Variants in PCSK6 observed in about 807,000 individuals in gnomAD.
The protein encoded by PCSK6 is proprotein convertase subtilisin/kexin type 6, also known as paired basic amino acid cleaving enzyme 4.
Under a neutral mutation model 123.3 loss-of-function variants are expected in PCSK6, and 85 were observed. The observed-to-expected ratio is 0.69, with a 90% CI of 0.58 to 0.83. PCSK6 has a LOEUF of 0.83. Among genes scored for constraint, PCSK6 ranks in the 40% least tolerant of loss-of-function variants. PCSK6 has a pLI of 0.00. For missense variants in PCSK6, 1,191 were observed against 1,282.3 expected (o/e 0.93, Z 1.09); for synonymous variants, 508 against 516.0 (o/e 0.98, Z 0.21).
intron 8 of PCSK6, among the ~76,000 whole-genome samples, chr15:101,390,671 C>A (rs1469017810): frequency 6.6e-6 from 1 of 152,190 alleles, no homozygotes; most frequent in East Asian, 1.9e-4. Context: ...AGTCCCAGAA[C>A]CACAGGGACC....
At chr15:101,470,110 C>T (rs2057570017) in intron 1 of PCSK6, among the ~76,000 whole-genome samples, 1 of 152,110 alleles carries the variant, frequency 6.6e-6, no homozygotes, top group Admixed American at 6.5e-5. Flanking sequence ...ATCAAACGTC[C>T]CTTGTTTTGT....
chr15:101,471,452 C>G (rs1324759997), intron 1 of PCSK6, among the ~76,000 whole-genome samples: 5 of 152,188 alleles, frequency 3.3e-5, no homozygotes, highest in Non-Finnish European at 1.5e-5. Context: ...TACCTTGATT[C>G]TACCATTAAC....
chr15:101,432,739 G>A (rs2056487929), intron 2 of PCSK6, among the ~76,000 whole-genome samples: 1 of 152,172 alleles, frequency 6.6e-6, no homozygotes, highest in African/African-American at 2.4e-5. Context: ...AAATTATCTG[G>A]TGATCCTTGT....
At chr15:101,428,645 C>T (rs541907750) in intron 5 of PCSK6, among the ~76,000 whole-genome samples, 2 of 152,328 alleles carry the variant, frequency 1.3e-5, no homozygotes, top group African/African-American at 4.8e-5. Flanking sequence ...CGGGTCAGTT[C>T]CTCCAGCGGG....
chr15:101,430,041 ACGTCGTAGCTGG>A lies in PCSK6; in HGVS notation c.668_679del (p.Ala223_Asp226del), dbSNP rs1250896991. 6.2e-7 allele frequency: 1 copy of A among 1,613,960 alleles called. No individual in the cohort carries two copies. The highest frequency in any genetic ancestry group is 1.1e-5 in the South Asian group (1 of 91,080). The stretch of plus-strand genomic sequence containing the variant: ...AGATGGGTCATAATCATTGCCGTTC[ACGTCGTAGCTGG>A]CGTAGGAATCCTAAGAAATGGAATC... On this transcript the variant is annotated inframe_deletion, in exon 5 of 22. Transcript: ENST00000611716.
chr15:101,321,487 T>C (rs2040121113), intron 18 of PCSK6, among the ~76,000 whole-genome samples: 1 of 152,254 alleles, frequency 6.6e-6, no homozygotes, highest in Non-Finnish European at 1.5e-5. Context: ...GTAAGAATTA[T>C]GTCTACTTCA....
chr15:101,386,319 C>A (rs1232136572), intron 9 of PCSK6, among the ~76,000 whole-genome samples: 1 of 152,172 alleles, frequency 6.6e-6, no homozygotes, highest in Admixed American at 6.5e-5. Flanking sequence ...ATGTCACAGG[C>A]GTCTCTCCAG....
intron 6 of PCSK6, among the ~76,000 whole-genome samples, chr15:101,402,111 T>C (rs1353697724): frequency 4.0e-5 from 6 of 148,536 alleles, no homozygotes; most frequent in African/African-American, 1.0e-4. Flanking sequence ...TCAGAAATAA[T>C]GCCACATATC....
intron 13 of PCSK6, among the ~76,000 whole-genome samples, chr15:101,359,633 A>G (rs2041153157): frequency 6.6e-6 from 1 of 152,274 alleles, no homozygotes; most frequent in South Asian, 2.1e-4. Flanking sequence ...GCTGAGTGCC[A>G]TGCAGGCAGC....
chr15:101,384,448 A>G (rs781705847), intron 9 of PCSK6, 23 bp from the exon 10 acceptor site: 16 of 1,602,800 alleles, frequency 1.0e-5, no homozygotes, highest in Non-Finnish European at 1.4e-5. Context: ...AACACACCCT[A>G]GAGTCCACAC....
intron 13 of PCSK6, among the ~76,000 whole-genome samples, chr15:101,348,244 T>TG (rs2040794524): frequency 6.6e-6 from 1 of 151,874 alleles, no homozygotes; most frequent in African/African-American, 2.4e-5. Flanking sequence ...GGCTTCACCG[T>TG]GGGGGAGGCT....
chr15:101,365,619 C>T (rs2041364110), intron 13 of PCSK6, among the ~76,000 whole-genome samples: 1 of 152,140 alleles, frequency 6.6e-6, no homozygotes, highest in Non-Finnish European at 1.5e-5. Context: ...ATCCTCATAG[C>T]TGTACTATTT....
intron 15 of PCSK6, among the ~76,000 whole-genome samples, chr15:101,328,913 C>T (rs2040316618): frequency 1.3e-5 from 2 of 152,236 alleles, no homozygotes; most frequent in Admixed American, 1.3e-4. Flanking sequence ...CACGTGGTCC[C>T]AATCACTCCA....
At chr15:101,441,883 G>A (rs184962661) in intron 2 of PCSK6, among the ~76,000 whole-genome samples, 8 of 152,238 alleles carry the variant, frequency 5.3e-5, no homozygotes, top group African/African-American at 1.9e-4. Context: ...AAGTGTGGAG[G>A]GATGCTGCGT....
chr15:101,357,427 C>G (rs1312169469), intron 13 of PCSK6, among the ~76,000 whole-genome samples: 18 of 152,212 alleles, frequency 1.2e-4, no homozygotes, highest in Non-Finnish European at 1.6e-4. Flanking sequence ...CTGCATTTTC[C>G]CGGCCTCTAG....
chr15:101,445,804 G>T (rs1043184547), intron 1 of PCSK6, among the ~76,000 whole-genome samples: 1 of 152,234 alleles, frequency 6.6e-6, no homozygotes, highest in African/African-American at 2.4e-5. Flanking sequence ...AAACTTGCTG[G>T]CAAAGAGACT....
chr15:101,472,088 C>G (rs141025715), intron 1 of PCSK6, among the ~76,000 whole-genome samples: 203 of 152,200 alleles, frequency 1.3e-3, no homozygotes, highest in African/African-American at 4.5e-3. Context: ...AAAAAAAAAT[C>G]GAACGGAGGC....
chr15:101,338,020 T>C (rs1316437128), intron 13 of PCSK6, among the ~76,000 whole-genome samples: 1 of 152,204 alleles, frequency 6.6e-6, no homozygotes, highest in African/African-American at 2.4e-5. Flanking sequence ...GGTCAGGTGA[T>C]ACAACACGTT....
chr15:101,433,836 G>C (rs1229816443), intron 2 of PCSK6, among the ~76,000 whole-genome samples: 1 of 152,252 alleles, frequency 6.6e-6, no homozygotes, highest in Non-Finnish European at 1.5e-5. Context: ...TTAGGGCTGG[G>C]GATGGCCTCC....
Sources: gnomAD v4.1 joint callset for allele counts (sites outside exome capture counted in the v4.1 genomes callset) on GRCh38, gnomAD v4.1.1 for gene constraint, MANE v1.5 for transcripts, NCBI Gene and HGNC (gene_info 2026-07-23, HGNC 2026-07-21) for gene names.